The following ESR1 variants were observed in gnomAD, a reference collection of about 807,000 sequenced individuals.
The protein encoded by ESR1 is estrogen receptor.
Under a neutral mutation model 52.7 loss-of-function variants are expected in ESR1, and 12 were observed. That is an observed-to-expected ratio of 0.23 (90% CI 0.15 to 0.37). The LOEUF is 0.37. Ranked by LOEUF, ESR1 falls within the 10% of genes least tolerant of loss-of-function variation. The probability of loss-of-function intolerance (pLI) is 1.00; values close to 1 mark genes in which losing one functional copy is unlikely to be tolerated. For missense variants in ESR1, 584 were observed against 779.7 expected (o/e 0.75, Z 2.99); for synonymous variants, 305 against 316.8 (o/e 0.96, Z 0.39).
intron 2 of ESR1, among the ~76,000 whole-genome samples, chr6:151,749,810 G>T (rs545619361): frequency 3.7e-4 from 57 of 152,248 alleles, no homozygotes; most frequent in African/African-American, 1.3e-3. Flanking sequence ...AAAAAGAACT[G>T]CTAGACAGAG....
chr6:151,873,818 G>A (rs1268161323), intron 2 of ESR1, among the ~76,000 whole-genome samples: 2 of 152,166 alleles, frequency 1.3e-5, no homozygotes, highest in Non-Finnish European at 2.9e-5. Flanking sequence ...CATCTTACTT[G>A]TCAACTTAAA....
downstream of ESR1, among the ~76,000 whole-genome samples, chr6:152,105,775 C>CTA (rs2051058310): frequency 1.3e-5 from 1 of 79,432 alleles, no homozygotes; most frequent in African/African-American, 5.3e-5. Context: ...CAGTATGCAT[C>CTA]TTTTTTTTTT....
rs2050988240 is a variant in ESR1, at chr6:152,102,370, G to C, written c.*3404G>C. 2 of 208,314 alleles carry C rather than the reference G, an allele frequency of 9.6e-6. No homozygotes were observed. Among genetic ancestry groups the C allele is most frequent in the Non-Finnish European group, 2.0e-5 (2 of 102,282 alleles). 12.9% of individuals were successfully genotyped at this position (208,314 alleles called of 1,614,324 possible). A position where few individuals can be genotyped will look rare whatever the true frequency, so the allele number is the denominator to read the frequency against. On this transcript the variant is annotated 3_prime_UTR_variant, in exon 8 of 8. Transcript: ENST00000206249. ...TTATGAGATGGACTGTGGGTACTGG[G>C]AGTGATCACTAACACCATAGTAATG...
rs1004111465 is a variant in ESR1, at chr6:152,099,981, G to A, written c.*1015G>A. 5.0e-6 allele frequency: 2 copies of A among 399,030 alleles called. No homozygotes were observed. The highest frequency in any genetic ancestry group is 8.8e-6 in the Non-Finnish European group (2 of 226,416). The allele number at this position is 399,030 out of a possible 1,614,324, so 24.7% of individuals were successfully genotyped here. A position where few individuals can be genotyped will look rare whatever the true frequency, so the allele number is the denominator to read the frequency against. ...GTGTTGCATTTAGCCCTGGGGCATG[G>A]AGCTGAACAGTACTTGTGCAGGATT... On this transcript the variant is annotated 3_prime_UTR_variant, in exon 8 of 8. Transcript: ENST00000206249.
intron 4 of ESR1, among the ~76,000 whole-genome samples, chr6:152,007,004 T>C (rs916077613): frequency 6.6e-6 from 1 of 152,098 alleles, no homozygotes; most frequent in Non-Finnish European, 1.5e-5. Flanking sequence ...GCTTACTTTT[T>C]TTCATGTCTC....
chr6:152,088,537 G>A (rs1162393014), intron 6 of ESR1, among the ~76,000 whole-genome samples: 1 of 152,182 alleles, frequency 6.6e-6, no homozygotes, highest in Non-Finnish European at 1.5e-5. Flanking sequence ...GCTCATGAGT[G>A]GTTGAAACCA....
At chr6:152,014,144 G>T (rs1354177309) in intron 5 of ESR1, among the ~76,000 whole-genome samples, 1 of 152,096 alleles carries the variant, frequency 6.6e-6, no homozygotes, top group Non-Finnish European at 1.5e-5. Context: ...CCCCATGATT[G>T]TGAGGCTTCC....
intron 3 of ESR1, among the ~76,000 whole-genome samples, chr6:151,893,410 G>C (rs1438548473): frequency 6.6e-6 from 1 of 152,012 alleles, no homozygotes; most frequent in East Asian, 1.9e-4. Flanking sequence ...GTTTATGCTT[G>C]ATTCAGCAAA....
intron 3 of ESR1, among the ~76,000 whole-genome samples, chr6:151,888,680 C>T (rs1606678): frequency 0.15 from 22,948 of 151,936 alleles, 2,507 homozygotes; most frequent in African/African-American, 0.3. Flanking sequence ...TGCATAATTG[C>T]TCTGGCAGGA....
intron 1 of ESR1, among the ~76,000 whole-genome samples, chr6:151,699,873 T>C (rs762431582): frequency 1.1e-4 from 17 of 152,112 alleles, no homozygotes; most frequent in Non-Finnish European, 1.8e-4. Context: ...ATTGAGCAAT[T>C]ATCTGAAGTG....
intron 1 of ESR1, among the ~76,000 whole-genome samples, chr6:151,825,282 AT>A: frequency 6.6e-6 from 1 of 152,130 alleles, no homozygotes; most frequent in Non-Finnish European, 1.5e-5. Flanking sequence ...CAAGGGATTC[AT>A]GGTTACAGCG....
chr6:151,934,422 A>G (rs1167573042), intron 3 of ESR1, among the ~76,000 whole-genome samples: 2 of 152,194 alleles, frequency 1.3e-5, no homozygotes, highest in African/African-American at 2.4e-5. Context: ...ACTCTCAATA[A>G]CTTTGTTGTA....
intron 2 of ESR1, among the ~76,000 whole-genome samples, chr6:151,782,659 C>T (rs1309705234): frequency 1.3e-5 from 2 of 152,064 alleles, no homozygotes; most frequent in African/African-American, 2.4e-5. Flanking sequence ...TTTTAACATT[C>T]CTCATTATTC....
At chr6:151,789,210 T>C (rs1038396796) in intron 2 of ESR1, among the ~76,000 whole-genome samples, 3 of 152,240 alleles carry the variant, frequency 2.0e-5, no homozygotes, top group Non-Finnish European at 4.4e-5. Context: ...GCAGCCATTT[T>C]GGAAAATAGC....
intron 6 of ESR1, among the ~76,000 whole-genome samples, chr6:152,089,110 A>G (rs1157401292): frequency 6.6e-6 from 1 of 152,210 alleles, no homozygotes; most frequent in African/African-American, 2.4e-5. Flanking sequence ...AAAAGAAACA[A>G]ACAAACAAAA....
chr6:151,697,236 TAAA>T (rs573921509), intron 1 of ESR1, among the ~76,000 whole-genome samples: 1 of 152,092 alleles, frequency 6.6e-6, no homozygotes, highest in Non-Finnish European at 1.5e-5. Flanking sequence ...GTCACACCAT[TAAA>T]AAAAATCTTT....
intron 5 of ESR1, among the ~76,000 whole-genome samples, chr6:152,014,112 A>G (rs1021621753): frequency 3.1e-4 from 47 of 152,128 alleles, no homozygotes; most frequent in Non-Finnish European, 1.2e-4. Context: ...TTGCCATGAA[A>G]GATGTGACTT....
intron 2 of ESR1, among the ~76,000 whole-genome samples, chr6:151,754,205 G>A (rs1455383221): frequency 6.6e-6 from 1 of 152,080 alleles, no homozygotes; most frequent in Admixed American, 6.6e-5. Flanking sequence ...GAAAAAAGTC[G>A]CTTATAATTT....
chr6:151,926,050 A>G (rs9397457), intron 3 of ESR1, among the ~76,000 whole-genome samples: 3,718 of 152,068 alleles, frequency 0.024, 106 homozygotes, highest in East Asian at 0.076. Flanking sequence ...TTTTCTTTTT[A>G]TATATATCTT....
Sources: allele counts gnomAD v4.1 joint callset (sites outside exome capture counted in the v4.1 genomes callset), GRCh38; gene constraint gnomAD v4.1.1; transcripts MANE v1.5; gene names NCBI Gene and HGNC (gene_info 2026-07-23, HGNC 2026-07-21).